STPG2: variants seen among roughly 807,000 people sequenced by gnomAD.
The protein encoded by STPG2 is sperm tail PG-rich repeat containing 2, also known as sperm-tail PG-rich repeat-containing protein 2.
STPG2 carries 56 observed loss-of-function variants against 54.2 expected under a neutral mutation model. That is an observed-to-expected ratio of 1.03 (90% CI 0.83 to 1.29). The LOEUF (loss-of-function observed/expected upper bound fraction) is 1.29. Ranked by LOEUF, STPG2 falls within the 50% of genes most tolerant of loss-of-function variation. The pLI is 0.00. For synonymous variants in STPG2, 200 were observed against 181.8 expected, an observed-to-expected ratio of 1.10 and a Z score of -0.81; for missense variants, 596 against 544.9, an observed-to-expected ratio of 1.09 and a Z score of -0.93.
intron 8 of STPG2, among the ~76,000 whole-genome samples, chr4:97,847,866 A>C (rs1729004723): frequency 6.6e-6 from 1 of 152,188 alleles, no homozygotes; most frequent in Non-Finnish European, 1.5e-5. Flanking sequence ...AAAATGACCA[A>C]GGTTATATCT....
chr4:97,687,947 C>T (rs1271691397), intron 10 of STPG2, among the ~76,000 whole-genome samples: 1 of 151,724 alleles, frequency 6.6e-6, no homozygotes, highest in East Asian at 1.9e-4. Flanking sequence ...TCTTAAACTC[C>T]CAAATTTTAT....
At chr4:97,465,571 CT>C (rs1560620555) in intron 4 of STPG2, among the ~76,000 whole-genome samples, 1 of 151,974 alleles carries the variant, frequency 6.6e-6, no homozygotes, top group African/African-American at 2.4e-5. Context: ...ACAGTATTCT[CT>C]TGTATCCATA....
chr4:97,962,557 G>A (rs958294820), intron 7 of STPG2, among the ~76,000 whole-genome samples: 3 of 152,096 alleles, frequency 2.0e-5, no homozygotes, highest in African/African-American at 7.2e-5. Context: ...TTTAGATTTT[G>A]TCAAATATTC....
chr4:97,847,105 T>G (rs1049296653), intron 8 of STPG2, among the ~76,000 whole-genome samples: 1 of 152,260 alleles, frequency 6.6e-6, no homozygotes, highest in African/African-American at 2.4e-5. Flanking sequence ...GTGAAAAAAT[T>G]TATAGGCTAT....
At chr4:98,139,420 CAAGT>C (rs2110172356) in intron 1 of STPG2, among the ~76,000 whole-genome samples, 1 of 152,240 alleles carries the variant, frequency 6.6e-6, no homozygotes, top group East Asian at 1.9e-4. Context: ...TTCAAAATAA[CAAGT>C]AAGTTATATA....
intron 4 of STPG2, among the ~76,000 whole-genome samples, chr4:97,525,641 A>G (rs12501678): frequency 0.48 from 72,134 of 151,814 alleles, 18,080 homozygotes; most frequent in South Asian, 0.62. Flanking sequence ...ACTATTGTAC[A>G]TGTGAATAAG....
chr4:97,601,513 G>C (rs994816690), intron 10 of STPG2, among the ~76,000 whole-genome samples: 1 of 151,692 alleles, frequency 6.6e-6, no homozygotes, highest in African/African-American at 2.4e-5. Flanking sequence ...TGAATTTTTT[G>C]TGGTATAACT....
intron 5 of STPG2, among the ~76,000 whole-genome samples, chr4:98,022,898 G>A (rs1578790497): frequency 6.6e-6 from 1 of 152,062 alleles, no homozygotes; most frequent in African/African-American, 2.4e-5. Flanking sequence ...TCTGCATTGG[G>A]TATTCTAGTT....
chr4:97,904,323 C>A (rs1731310408), intron 8 of STPG2, among the ~76,000 whole-genome samples: 1 of 152,156 alleles, frequency 6.6e-6, no homozygotes, highest in African/African-American at 2.4e-5. Context: ...CTGGGAGGCA[C>A]CCCCCAGCAG....
chr4:97,905,900 C>A (rs577984454), intron 8 of STPG2, among the ~76,000 whole-genome samples: 1 of 151,832 alleles, frequency 6.6e-6, no homozygotes, highest in Non-Finnish European at 1.5e-5. Flanking sequence ...ACTAAATGCC[C>A]ACAAGAGAAA....
chr4:97,920,883 A>T (rs1406285032), intron 8 of STPG2, among the ~76,000 whole-genome samples: 1 of 152,304 alleles, frequency 6.6e-6, no homozygotes, highest in East Asian at 1.9e-4. Context: ...AAGTCTTACA[A>T]GAAATTAACA....
intron 4 of STPG2, among the ~76,000 whole-genome samples, chr4:97,454,280 G>A (rs190169615): frequency 2.4e-4 from 37 of 151,630 alleles, no homozygotes; most frequent in Non-Finnish European, 2.7e-4. Flanking sequence ...TTGGGAGGCC[G>A]AGGCGGGTGG....
chr4:97,626,125 A>G (rs1454821652), intron 10 of STPG2, among the ~76,000 whole-genome samples: 2 of 152,246 alleles, frequency 1.3e-5, no homozygotes, highest in African/African-American at 4.8e-5. Context: ...ACTCTATAAC[A>G]TATTTACATG....
chr4:98,134,883 T>C (rs776645666), intron 1 of STPG2, among the ~76,000 whole-genome samples: 28 of 151,872 alleles, frequency 1.8e-4, no homozygotes, highest in Admixed American at 3.9e-4. Flanking sequence ...GGAAATAATT[T>C]AAAGTGGGTT....
chr4:98,118,453 T>C (rs1309305395), intron 3 of STPG2, among the ~76,000 whole-genome samples: 1 of 152,140 alleles, frequency 6.6e-6, no homozygotes, highest in African/African-American at 2.4e-5. Flanking sequence ...CTAGGTTTCT[T>C]ACTGTGGAAG....
intron 4 of STPG2, among the ~76,000 whole-genome samples, chr4:97,486,988 T>A (rs1041465261): frequency 6.6e-6 from 1 of 151,250 alleles, no homozygotes; most frequent in Non-Finnish European, 1.5e-5. Flanking sequence ...AGTGAAGCAA[T>A]TCAGGAATGG....
In STPG2 at chr4:97,983,081, T is replaced by A. The variant is rs183641832; in HGVS notation, c.613-1763A>T. 4.2e-3 allele frequency among the ~76,000 whole-genome samples: 641 copies of A among 152,302 alleles called. 3 individuals carry two copies. Among genetic ancestry groups the A allele is most frequent in the South Asian group, 0.024 (116 of 4,824 alleles). On this transcript the variant is annotated intron_variant, in intron 5 of 10. Coordinates refer to ENST00000295268, the MANE Select transcript of STPG2 (RefSeq NM_174952.3). Reference sequence around the variant, plus strand: ...ACGGGTTTGAACAATGTGGTTCCACTTATACACAAATTTTCTTCAGTCTCT... The same window carrying A: ...ACGGGTTTGAACAATGTGGTTCCACATATACACAAATTTTCTTCAGTCTCT...
chr4:98,100,755 A>G (rs550400702), intron 5 of STPG2, among the ~76,000 whole-genome samples: 70 of 145,192 alleles, frequency 4.8e-4, no homozygotes, highest in African/African-American at 1.8e-3. Flanking sequence ...GGCTCACTGC[A>G]ACCTCTGCCT....
chr4:97,595,368 A>G (rs1030119289), intron 10 of STPG2, among the ~76,000 whole-genome samples: 3 of 151,958 alleles, frequency 2.0e-5, no homozygotes, highest in African/African-American at 7.3e-5. Context: ...CAAACACCAC[A>G]TGTTCTCACT....
Sources: allele counts gnomAD v4.1 joint callset (sites outside exome capture counted in the v4.1 genomes callset), GRCh38; gene constraint gnomAD v4.1.1; transcripts MANE v1.5; gene names NCBI Gene and HGNC (gene_info 2026-07-23, HGNC 2026-07-21).